Variants in ITGAD observed in about 807,000 individuals in gnomAD.
ITGAD encodes the protein integrin alpha-D.
Under a neutral mutation model 139.0 loss-of-function variants are expected in ITGAD, and 105 were observed. The observed-to-expected ratio is 0.76, with a 90% confidence interval of 0.65 to 0.89. ITGAD has a LOEUF of 0.89. Among genes scored for constraint, ITGAD ranks in the 40% least tolerant of loss-of-function variants. The pLI, the probability that ITGAD is intolerant of heterozygous loss-of-function variation, is 0.00. For missense variants in ITGAD, 1,384 were observed against 1,487.3 expected, an observed-to-expected ratio of 0.93 and a Z score of 1.14; for synonymous variants, 569 against 598.3, an observed-to-expected ratio of 0.95 and a Z score of 0.71.
intron 28 of ITGAD, 43 bp from the exon 29 acceptor site, chr16:31,424,424 C>G (rs756756005): frequency 2.9e-5 from 44 of 1,531,410 alleles, no homozygotes; most frequent in Non-Finnish European, 3.7e-5. Flanking sequence ...TGGGAGGCAT[C>G]TGGGATGGCA....
In ITGAD at chr16:31,418,563, A is replaced by G. The variant is rs776217700; in HGVS notation, c.2779A>G (p.Arg927Gly). 4 of 1,613,452 alleles carry G rather than the reference A, an allele frequency of 2.5e-6. No homozygotes were observed. The African/African-American group carries it at 5.3e-5, about 22-fold the overall frequency. The change falls in exon 23 of 30, where the codon AGG becomes GGG. Residue 927 changes from arginine (R) to glycine (G), a missense_variant and splice_region_variant. Arg to Gly is a moderately radical substitution (Grantham distance 125). Transcript: ENST00000389202. ...GTATGCAGTCTACACCATGATCAGC[A>G]GGTGCCCAGTCCCTGGCCTTCCCCT... Reference protein sequence around the residue: ...VKYAVYTMISRQEESTKYFNF... With the variant: ...VKYAVYTMISGQEESTKYFNF...
chr16:31,408,549 C>A (rs770328505), intron 10 of ITGAD, 51 bp downstream of exon 10: 2 of 1,522,678 alleles, frequency 1.3e-6, no homozygotes, highest in Non-Finnish European at 1.8e-6. Context: ...AACTCTGCAC[C>A]CACCCTGGGC....
chr16:31,405,364 C>T (rs545686471), intron 7 of ITGAD, among the ~76,000 whole-genome samples: 1 of 152,202 alleles, frequency 6.6e-6, no homozygotes, highest in East Asian at 1.9e-4. Context: ...AAAACAAAAA[C>T]AAAGCAAAAC....
At chr16:31,425,953 T>A in intron 29 of ITGAD, 62 bp from the exon 30 acceptor site, 1 of 1,068,968 alleles carries the variant, frequency 9.4e-7, no homozygotes, top group East Asian at 2.4e-5. Context: ...AGTGCTGAGA[T>A]TACAGGTGTG....
chr16:31,417,171 G>A (rs2081911342), intron 20 of ITGAD, among the ~76,000 whole-genome samples: 1 of 150,716 alleles, frequency 6.6e-6, no homozygotes, highest in Admixed American at 6.6e-5. Context: ...AGCCTCCCAA[G>A]TAGCTGGGAC....
In ITGAD at chr16:31,426,354, A is replaced by AT; in HGVS notation, c.*230dup. ...AGAAGCAGGCATGGTGCCAGCATAA[A>AT]TTTTCATATGCTTAAGAATTGTCAC... is the stretch of plus-strand genomic sequence containing the variant. On this transcript the variant is annotated 3_prime_UTR_variant, in exon 30 of 30. Coordinates refer to ENST00000389202, the MANE Select transcript of ITGAD (RefSeq NM_005353.3). 2.1e-6 allele frequency: 1 copy of AT among 480,832 alleles called. No homozygotes were observed. The highest frequency in any genetic ancestry group is 2.5e-5 in the South Asian group (1 of 40,002). The allele number at this position is 480,832 out of a possible 1,614,324, so 29.8% of individuals were successfully genotyped here.
chr16:31,426,155 C>A lies in ITGAD; in HGVS notation c.*27C>A. 1 of 1,450,300 alleles carries A rather than the reference C, an allele frequency of 6.9e-7. No homozygotes were observed. Among genetic ancestry groups the A allele is most frequent in the South Asian group, 1.2e-5 (1 of 86,552 alleles). The allele number at this position is 1,450,300 out of a possible 1,614,324, so 89.8% of individuals were successfully genotyped here. A position where few individuals can be genotyped will look rare whatever the true frequency, so the allele number is the denominator to read the frequency against. On this transcript the variant is annotated 3_prime_UTR_variant, in exon 30 of 30. Transcript: ENST00000389202. ...AATCCACTTTCCTGTTTATCTCTAC[C>A]ACTGTGGGCTGGACTTGCTTGCAAC...
intron 1 of ITGAD, 145 bp downstream of exon 1, chr16:31,393,536 G>A (rs1044767018): frequency 4.5e-5 from 37 of 818,432 alleles, no homozygotes; most frequent in Middle Eastern, 6.9e-4. Context: ...CGAGTGGCCC[G>A]GAGTCAGTAG....
chr16:31,412,703 T>C, intron 14 of ITGAD, 135 bp from the exon 15 acceptor site: 3 of 1,078,782 alleles, frequency 2.8e-6, no homozygotes, highest in Non-Finnish European at 4.1e-6. Flanking sequence ...TTTCAGGCTC[T>C]TGTTGGTGAC....
At chr16:31,415,720 C>T (rs1214811286) in intron 18 of ITGAD, among the ~76,000 whole-genome samples, 2 of 152,160 alleles carry the variant, frequency 1.3e-5, no homozygotes, top group Admixed American at 1.3e-4. Context: ...CCAGCCTTAC[C>T]TCCCTCTCTT....
In ITGAD at chr16:31,416,305, C is replaced by T; in HGVS notation, c.2357+19C>T. 1.3e-6 allele frequency: 2 copies of T among 1,585,096 alleles called. No homozygotes were observed. The highest frequency in any genetic ancestry group is 1.7e-6 in the Non-Finnish European group (2 of 1,160,458). ...TCTCAGGGTGAGCTGTAACTCCCTTCATATCCAGACACTCAGGCTTCTGAG... is the reference window on the plus strand; with the variant it reads ...TCTCAGGGTGAGCTGTAACTCCCTTTATATCCAGACACTCAGGCTTCTGAG... On this transcript the variant is annotated intron_variant, in intron 19 of 29. Coordinates refer to ENST00000389202, the MANE Select transcript of ITGAD (RefSeq NM_005353.3).
chr16:31,411,052 C>A (rs2081689948), intron 12 of ITGAD, 24 bp from the exon 13 acceptor site: 1 of 1,611,302 alleles, frequency 6.2e-7, no homozygotes, highest in South Asian at 1.1e-5. Context: ...GGACAGGCAG[C>A]ATGACCCAGG....
chr16:31,414,058 G>C (rs565069748), intron 16 of ITGAD, among the ~76,000 whole-genome samples: 1 of 152,262 alleles, frequency 6.6e-6, no homozygotes, highest in Non-Finnish European at 1.5e-5. Flanking sequence ...TGCCAAATCT[G>C]TCATCTATCT....
chr16:31,420,140 A>T (rs2081980191), intron 23 of ITGAD, among the ~76,000 whole-genome samples: 3 of 152,152 alleles, frequency 2.0e-5, no homozygotes, highest in African/African-American at 7.2e-5. Context: ...GCCCAACAGG[A>T]TATGGTCTGT....
At chr16:31,398,088 T>C (rs1428349286) in intron 5 of ITGAD, among the ~76,000 whole-genome samples, 179 bp downstream of exon 5, 1 of 152,080 alleles carries the variant, frequency 6.6e-6, no homozygotes, top group Non-Finnish European at 1.5e-5. Context: ...GTAGAAGTTC[T>C]TTGCAGGGTT....
chr16:31,424,488 G>T lies in ITGAD; in HGVS notation c.3283G>T (p.Asp1095Tyr). 6.2e-7 allele frequency: 1 copy of T among 1,613,878 alleles called. No homozygotes were observed. The highest frequency in any genetic ancestry group is 8.5e-7 in the Non-Finnish European group (1 of 1,179,844). The part of the protein sequence containing the change: ...RAQMEMVLEE[D>Y]EVYNAIPIIM... ...TCAGATGGAGATGGTGCTAGAAGAAGACGAGGTCTACAATGCCATTCCCAT... is the reference window on the plus strand; with the variant it reads ...TCAGATGGAGATGGTGCTAGAAGAATACGAGGTCTACAATGCCATTCCCAT... Residue 1095 changes from aspartate (D) to tyrosine (Y), a missense_variant, in exon 29 of 30, where the codon GAC (aspartate) becomes TAC (tyrosine). Physicochemically the swap from Asp to Tyr is radical, Grantham distance 160. Transcript: ENST00000389202.
Position 31,410,809 on chromosome 16 carries a change from C to T in ITGAD, c.1287C>T (p.Thr429=), listed in dbSNP as rs200633230. Reference sequence around the variant, plus strand: ...TGGGGGCCCCCCGCTACCAGCATACCGGGAAGGCTGTCATCTTCACCCAGG... The same window carrying T: ...TGGGGGCCCCCCGCTACCAGCATACTGGGAAGGCTGTCATCTTCACCCAGG... ...LVLGAPRYQH[T]GKAVIFTQVS... The change falls in exon 12 of 30, where the codon ACC becomes ACT. Residue 429 remains threonine (T), a synonymous_variant. Transcript: ENST00000389202. The T allele has an allele frequency of 9.2e-5, 148 of 1,613,528 alleles. 1 individual carries two copies. Among genetic ancestry groups the T allele is most frequent in the East Asian group, 1.1e-4 (5 of 44,814 alleles).
chr16:31,414,432 A>T lies in ITGAD; in HGVS notation c.1997-19A>T. On this transcript the variant is annotated intron_variant, in intron 16 of 29. Transcript: ENST00000389202. Reference sequence around the variant, plus strand: ...GGTTATTTCTGCCTTTTCATTTTGCACTCTCCCCTGCACTTCAGGTGACAT... The same window carrying T: ...GGTTATTTCTGCCTTTTCATTTTGCTCTCTCCCCTGCACTTCAGGTGACAT... The T allele has an allele frequency of 6.2e-7, 1 of 1,607,604 alleles. No individual in the cohort carries two copies. Among genetic ancestry groups the T allele is most frequent in the Non-Finnish European group, 8.5e-7 (1 of 1,176,046 alleles).
chr16:31,426,252 G>A lies in ITGAD; in HGVS notation c.*124G>A. On this transcript the variant is annotated 3_prime_UTR_variant, in exon 30 of 30. Transcript: ENST00000389202. ...GCCTAAGCAACCTACCAGGTGCTAAGCACCTTCTCGGAGAGATAGAGATTG... is the reference window on the plus strand; with the variant it reads ...GCCTAAGCAACCTACCAGGTGCTAAACACCTTCTCGGAGAGATAGAGATTG... 1.5e-6 allele frequency: 1 copy of A among 663,002 alleles called. No homozygotes were observed. 41.1% of individuals were successfully genotyped at this position (663,002 alleles called of 1,614,324 possible).
Sources: gnomAD v4.1 joint callset for allele counts (sites outside exome capture counted in the v4.1 genomes callset) on GRCh38, gnomAD v4.1.1 for gene constraint, MANE v1.5 for transcripts, NCBI Gene and HGNC (gene_info 2026-07-23, HGNC 2026-07-21) for gene names.